Variants in FHL2 observed in about 807,000 individuals in gnomAD.
FHL2 encodes the protein four and a half LIM domains protein 2.
FHL2 carries 20 observed loss-of-function variants against 32.7 expected under a neutral mutation model. That is an observed-to-expected ratio of 0.61 (90% CI 0.43 to 0.89). The LOEUF is 0.89. FHL2 is among the 40% of genes least tolerant of loss of function. FHL2 has a pLI of 0.00. For missense variants in FHL2, 311 were observed against 358.6 expected (o/e 0.87, Z 1.07); for synonymous variants, 123 against 128.1 (o/e 0.96, Z 0.27).
At chr2:105,434,701 A>G (rs563360477) in intron 1 of FHL2, among the ~76,000 whole-genome samples, 2 of 152,362 alleles carry the variant, frequency 1.3e-5, no homozygotes, top group Non-Finnish European at 2.9e-5. Flanking sequence ...AAAATTAATA[A>G]TAATGTTTAC....
chr2:105,361,688 G>A (rs184871317), intron 6 of FHL2, among the ~76,000 whole-genome samples: 2 of 152,314 alleles, frequency 1.3e-5, no homozygotes, highest in East Asian at 3.9e-4. Flanking sequence ...AAAGAATGCT[G>A]ACTGTGTATT....
chr2:105,405,021 C>T (rs569653989), intron 1 of FHL2, among the ~76,000 whole-genome samples: 48 of 152,260 alleles, frequency 3.2e-4, no homozygotes, highest in Middle Eastern at 3.4e-3. Flanking sequence ...CTGTTTGGTA[C>T]ATTAATGACC....
At chr2:105,423,906 C>A (rs567761433) in intron 1 of FHL2, among the ~76,000 whole-genome samples, 40 of 152,272 alleles carry the variant, frequency 2.6e-4, no homozygotes, top group Non-Finnish European at 4.6e-4. Flanking sequence ...AACATAAGAC[C>A]TGAAACCATA....
intron 1 of FHL2, among the ~76,000 whole-genome samples, chr2:105,434,915 T>A (rs1204717211): frequency 2.0e-5 from 3 of 152,198 alleles, no homozygotes; most frequent in Non-Finnish European, 4.4e-5. Context: ...GTTGGTTATT[T>A]ATGATTTTTA....
chr2:105,438,201 T>A (rs191459182), intron 1 of FHL2, among the ~76,000 whole-genome samples: 96 of 152,314 alleles, frequency 6.3e-4, no homozygotes, highest in Non-Finnish European at 1.0e-3. Flanking sequence ...GTTCTTGGGC[T>A]CTGCCGTTGG....
chr2:105,392,881 C>T (rs1345757157), intron 2 of FHL2, among the ~76,000 whole-genome samples: 5 of 142,648 alleles, frequency 3.5e-5, no homozygotes, highest in African/African-American at 1.0e-4. Flanking sequence ...GTGCACTGGC[C>T]CTATCTTGGC....
intron 3 of FHL2, among the ~76,000 whole-genome samples, chr2:105,381,001 G>A (rs1418722657): frequency 1.3e-5 from 2 of 152,090 alleles, no homozygotes; most frequent in African/African-American, 4.8e-5. Context: ...GACTTTAGCT[G>A]AGCTTTAGTG....
At chr2:105,430,034 G>C (rs1258322645) in intron 1 of FHL2, among the ~76,000 whole-genome samples, 1 of 152,170 alleles carries the variant, frequency 6.6e-6, no homozygotes. Flanking sequence ...GCAGAACTAG[G>C]ACCTTGTGCC....
chr2:105,385,265 TG>T (rs890041593), intron 3 of FHL2, among the ~76,000 whole-genome samples: 1 of 152,188 alleles, frequency 6.6e-6, no homozygotes, highest in African/African-American at 2.4e-5. Context: ...ACTAAATCCC[TG>T]GGAACAGAAA....
At chr2:105,392,812 C>CTT (rs34774107) in intron 2 of FHL2, among the ~76,000 whole-genome samples, 58 of 66,006 alleles carry the variant, frequency 8.8e-4, no homozygotes, top group South Asian at 2.5e-3. Flanking sequence ...TGCCAGGAAG[C>CTT]TTTTTTTTTT....
At chr2:105,404,821 C>T (rs905669783) in intron 1 of FHL2, among the ~76,000 whole-genome samples, 1 of 152,198 alleles carries the variant, frequency 6.6e-6, no homozygotes, top group Non-Finnish European at 1.5e-5. Flanking sequence ...CCCATTTCTT[C>T]CCTCTCTCCT....
chr2:105,377,882 T>A (rs1681592167), intron 3 of FHL2: 1 of 366,510 alleles, frequency 2.7e-6, no homozygotes, highest in African/African-American at 2.1e-5. Flanking sequence ...GCTTTTTACA[T>A]GGTGGCTGCC....
intron 2 of FHL2, among the ~76,000 whole-genome samples, chr2:105,389,704 T>C (rs771949958): frequency 2.0e-5 from 3 of 152,196 alleles, no homozygotes; most frequent in Non-Finnish European, 4.4e-5. Flanking sequence ...ACTCCCAGTC[T>C]AACTTGAAAG....
chr2:105,432,738 A>G (rs917780927), intron 1 of FHL2, among the ~76,000 whole-genome samples: 2 of 152,174 alleles, frequency 1.3e-5, no homozygotes, highest in Non-Finnish European at 2.9e-5. Flanking sequence ...ACAAACTAAT[A>G]AATTAGTAAA....
intron 3 of FHL2, among the ~76,000 whole-genome samples, chr2:105,381,425 G>T (rs1314749404): frequency 6.6e-6 from 1 of 152,128 alleles, no homozygotes; most frequent in Non-Finnish European, 1.5e-5. Context: ...GAGGCTTATA[G>T]GTGGCAGGAC....
intron 2 of FHL2, among the ~76,000 whole-genome samples, chr2:105,390,540 C>T (rs1162633119): frequency 6.6e-6 from 1 of 152,140 alleles, no homozygotes; most frequent in Non-Finnish European, 1.5e-5. Context: ...TAGAGTTCTA[C>T]AAAGAGCAGA....
chr2:105,413,746 C>T (rs545455836), intron 1 of FHL2, among the ~76,000 whole-genome samples: 1 of 152,332 alleles, frequency 6.6e-6, no homozygotes, highest in African/African-American at 2.4e-5. Context: ...TCCCAAAGCC[C>T]TGAGATTACA....
At chr2:105,388,325 G>A (rs1030683781) in intron 2 of FHL2, among the ~76,000 whole-genome samples, 4 of 152,130 alleles carry the variant, frequency 2.6e-5, no homozygotes, top group Non-Finnish European at 5.9e-5. Flanking sequence ...AATACGCAGT[G>A]TGAATAAGCA....
At chr2:105,436,018 G>C (rs999654710) in intron 1 of FHL2, among the ~76,000 whole-genome samples, 1 of 152,124 alleles carries the variant, frequency 6.6e-6, no homozygotes, top group African/African-American at 2.4e-5. Context: ...CAAAAGTCCT[G>C]TGTTAAAATG....
Sources: allele counts gnomAD v4.1 joint callset (sites outside exome capture counted in the v4.1 genomes callset), GRCh38; gene constraint gnomAD v4.1.1; transcripts MANE v1.5; gene names NCBI Gene and HGNC (gene_info 2026-07-23, HGNC 2026-07-21).